The following TNFRSF21 variants were observed in gnomAD, a reference collection of about 807,000 sequenced individuals.
The protein encoded by TNFRSF21 is tumor necrosis factor receptor superfamily member 21.
In TNFRSF21, 19 loss-of-function variants were observed where a neutral mutation model predicts 45.6. That is an observed-to-expected ratio of 0.42 (90% CI 0.29 to 0.61). The LOEUF is 0.61. Ranked by LOEUF, TNFRSF21 falls within the 20% of genes least tolerant of loss-of-function variation. The pLI is 0.23. For missense variants in TNFRSF21, 737 were observed against 851.5 expected (o/e 0.87, Z 1.67); for synonymous variants, 314 against 335.5 (o/e 0.94, Z 0.70).
chr6:47,270,733 G>C (rs1036109936), intron 3 of TNFRSF21, among the ~76,000 whole-genome samples: 10 of 152,090 alleles, frequency 6.6e-5, no homozygotes, highest in African/African-American at 2.4e-4. Context: ...AAAGGAGCAT[G>C]TTTGAACCTA....
At chr6:47,305,769 T>A (rs1762932762) in intron 1 of TNFRSF21, among the ~76,000 whole-genome samples, 1 of 152,134 alleles carries the variant, frequency 6.6e-6, no homozygotes, top group South Asian at 2.1e-4. Flanking sequence ...GCAAAAGAGT[T>A]TTCTAAAACT....
At chr6:47,250,816 G>A (rs1388842215) in intron 4 of TNFRSF21, among the ~76,000 whole-genome samples, 1 of 152,206 alleles carries the variant, frequency 6.6e-6, no homozygotes, top group Non-Finnish European at 1.5e-5. Flanking sequence ...GTAACATACT[G>A]TGCAATTACC....
chr6:47,253,884 T>G (rs1476935046), intron 3 of TNFRSF21, among the ~76,000 whole-genome samples: 1 of 152,210 alleles, frequency 6.6e-6, no homozygotes, highest in Admixed American at 6.5e-5. Flanking sequence ...AGTTCCAAGA[T>G]CCCCAGTGGA....
chr6:47,309,526 C>G lies in TNFRSF21; in HGVS notation c.-15G>C. On this transcript the variant is annotated 5_prime_UTR_variant, in exon 1 of 6. Coordinates refer to ENST00000296861, the MANE Select transcript of TNFRSF21 (RefSeq NM_014452.5). ...GAGGTCCCCATGGCTGAACCGGGGA[C>G]TCGCAGGGGCGCCCGGGGCGCGCGG... 1 of 1,422,284 alleles carries G rather than the reference C, an allele frequency of 7.0e-7. No homozygotes were observed. The highest frequency in any genetic ancestry group is 9.1e-7 in the Non-Finnish European group (1 of 1,095,544). 88.1% of individuals were successfully genotyped at this position (1,422,284 alleles called of 1,614,324 possible). A position where few individuals can be genotyped will look rare whatever the true frequency, so the allele number is the denominator to read the frequency against.
chr6:47,255,460 T>G (rs552678911), intron 3 of TNFRSF21, among the ~76,000 whole-genome samples: 89 of 110,656 alleles, frequency 8.0e-4, no homozygotes, highest in African/African-American at 3.8e-3. Flanking sequence ...ATGTCTTTGG[T>G]TTTTTTTTTT....
At chr6:47,261,200 A>G (rs193222013) in intron 3 of TNFRSF21, among the ~76,000 whole-genome samples, 168 of 152,328 alleles carry the variant, frequency 1.1e-3, no homozygotes, top group Non-Finnish European at 1.5e-3. Context: ...ACATACAGCA[A>G]CTATACAAAG....
chr6:47,265,047 C>T (rs1762312951), intron 3 of TNFRSF21, among the ~76,000 whole-genome samples: 1 of 152,170 alleles, frequency 6.6e-6, no homozygotes. Flanking sequence ...GCTTTGGTTG[C>T]AGCAACTGCT....
At chr6:47,281,323 TTATATAA>T (rs1561948035) in intron 3 of TNFRSF21, among the ~76,000 whole-genome samples, 1 of 149,830 alleles carries the variant, frequency 6.7e-6, no homozygotes, top group Non-Finnish European at 1.5e-5. Flanking sequence ...ATATTACATG[TTATATAA>T]TATATAATAA....
Position 47,284,342 on chromosome 6 carries a change from C to T in TNFRSF21, c.839G>A (p.Ser280Asn). The change falls in exon 3 of 6, where the codon AGC (serine) becomes AAC (asparagine). Residue 280 changes from serine to asparagine, a missense_variant. Physicochemically the swap from Ser to Asn is conservative, Grantham distance 46. Transcript: ENST00000296861. ...IQEGTVPDNT[S>N]SARGKEDVNK... ...CACGTCTTCCTTCCCCCTTGCTGAGCTTGTGTTGTCAGGGACTGTCCCTTC... is the reference window on the plus strand; with the variant it reads ...CACGTCTTCCTTCCCCCTTGCTGAGTTTGTGTTGTCAGGGACTGTCCCTTC... The T allele has an allele frequency of 6.3e-7, 1 of 1,586,938 alleles. No homozygotes were observed. The highest frequency in any genetic ancestry group is 8.6e-7 in the Non-Finnish European group (1 of 1,167,652).
chr6:47,250,804 G>C (rs1402701536), intron 4 of TNFRSF21, among the ~76,000 whole-genome samples: 1 of 152,178 alleles, frequency 6.6e-6, no homozygotes, highest in Non-Finnish European at 1.5e-5. Context: ...AATGGACAGA[G>C]AGTAACATAC....
chr6:47,259,341 G>T (rs984069210), intron 3 of TNFRSF21, among the ~76,000 whole-genome samples: 4 of 151,754 alleles, frequency 2.6e-5, no homozygotes, highest in Admixed American at 2.6e-4. Context: ...CCACTGAAGG[G>T]CTGATAGACA....
intron 4 of TNFRSF21, among the ~76,000 whole-genome samples, chr6:47,251,432 G>A (rs370403214): frequency 2.8e-4 from 42 of 152,288 alleles, no homozygotes; most frequent in Middle Eastern, 6.8e-3. Context: ...TAATTAAGGT[G>A]TACAAGAGTT....
rs775271183 is a variant in TNFRSF21 at position 47,232,878 on chromosome 6, G to A, written c.1855C>T (p.Pro619Ser). The A allele has an allele frequency of 3.1e-6, 5 of 1,614,028 alleles. No homozygotes were observed. The Admixed American group carries it at 6.7e-5, about 22-fold the overall frequency. ...CGGTCTAGTTTGTCCTCAGCCTGGG[G>A]AATCTCTTCAATCACCCGCAGCTCC... ...PEELRVIEEIPQAEDKLDRLF... is the reference protein window; with the variant it reads ...PEELRVIEEISQAEDKLDRLF... The change falls in exon 6 of 6, where the codon CCC becomes TCC. Residue 619 changes from proline to serine, a missense_variant. Coordinates refer to ENST00000296861, the MANE Select transcript of TNFRSF21 (RefSeq NM_014452.5).
At position 47,232,888 on chromosome 6, in the gene TNFRSF21, A is replaced by G. The variant is rs1246680890; in HGVS notation, c.1845T>C (p.Ile615=). 2 of 1,613,964 alleles carry G rather than the reference A, an allele frequency of 1.2e-6. No individual in the cohort carries two copies. Among genetic ancestry groups the G allele is most frequent in the African/African-American group, 2.7e-5 (2 of 74,874 alleles). ...TGTCCTCAGCCTGGGGAATCTCTTC[A>G]ATCACCCGCAGCTCCTCAGGATTTA... ...HFLNPEELRV[I]EEIPQAEDKL... The change falls in exon 6 of 6, where the codon ATT becomes ATC. Residue 615 remains isoleucine, a synonymous_variant. Coordinates refer to ENST00000296861, the MANE Select transcript of TNFRSF21 (RefSeq NM_014452.5).
intron 4 of TNFRSF21, among the ~76,000 whole-genome samples, chr6:47,249,067 C>CT (rs2113848262): frequency 6.6e-6 from 1 of 152,306 alleles, no homozygotes; most frequent in South Asian, 2.1e-4. Flanking sequence ...CGGCACACGT[C>CT]TCCATACTGA....
At chr6:47,297,605 T>C (rs1762809580) in intron 1 of TNFRSF21, among the ~76,000 whole-genome samples, 1 of 149,940 alleles carries the variant, frequency 6.7e-6, no homozygotes, top group Non-Finnish European at 1.5e-5. Flanking sequence ...TCACTGCAAC[T>C]TCTCCCTCCT....
chr6:47,277,147 C>A (rs989813912), intron 3 of TNFRSF21, among the ~76,000 whole-genome samples: 1 of 152,212 alleles, frequency 6.6e-6, no homozygotes, highest in Non-Finnish European at 1.5e-5. Flanking sequence ...GCGCCCGCCA[C>A]CACGCCTGGT....
At chr6:47,237,849 AG>A (rs1266639987) in intron 4 of TNFRSF21, among the ~76,000 whole-genome samples, 1 of 152,168 alleles carries the variant, frequency 6.6e-6, no homozygotes, top group African/African-American at 2.4e-5. Context: ...CAGGAGTTCA[AG>A]ACAAGCCTGG....
In TNFRSF21 at chr6:47,309,432, G is replaced by T; in HGVS notation, c.80C>A (p.Ala27Glu). 1 of 1,551,050 alleles carries T rather than the reference G, an allele frequency of 6.4e-7. No individual in the cohort carries two copies. The highest frequency in any genetic ancestry group is 1.2e-5 in the South Asian group (1 of 84,834). ...AGCGCTCACCAGGAGAAGGGAGCCC[G>T]CGATCATCGTGGCTGTGGCTCGGCG... ...IARRATATMI[A>E]GSLLLLGFLS... Residue 27 changes from alanine (A) to glutamate (E), a missense_variant, in exon 1 of 6, where the codon GCG becomes GAG. Coordinates refer to ENST00000296861, the MANE Select transcript of TNFRSF21 (RefSeq NM_014452.5).
Sources: gnomAD v4.1 joint callset for allele counts (sites outside exome capture counted in the v4.1 genomes callset) on GRCh38, gnomAD v4.1.1 for gene constraint, MANE v1.5 for transcripts, NCBI Gene and HGNC (gene_info 2026-07-23, HGNC 2026-07-21) for gene names.